The following NEO1 variants were observed in gnomAD, a reference collection of about 807,000 sequenced individuals.
NEO1 encodes the protein neogenin 1.
Under a neutral mutation model 159.7 loss-of-function variants are expected in NEO1, and 63 were observed. That is an observed-to-expected ratio of 0.39 (90% CI 0.32 to 0.49). The LOEUF (loss-of-function observed/expected upper bound fraction) is 0.49, where lower values mean the gene tolerates loss of function less well. Ranked by LOEUF, NEO1 falls within the 20% of genes least tolerant of loss-of-function variation. The pLI is 0.85. For synonymous variants in NEO1, 633 were observed against 662.0 expected, an observed-to-expected ratio of 0.96 and a Z score of 0.67; for missense variants, 1,615 against 1,831.0, an observed-to-expected ratio of 0.88 and a Z score of 2.15.
chr15:73,288,281 T>C, intron 23 of NEO1, 32 bp from the exon 24 acceptor site: 1 of 1,586,240 alleles, frequency 6.3e-7, no homozygotes, highest in African/African-American at 1.3e-5. Context: ...AATGAGTTAC[T>C]TTTTAAAAGC....
intron 9 of NEO1, among the ~76,000 whole-genome samples, chr15:73,247,278 T>G (rs2039843772): frequency 6.6e-6 from 1 of 152,186 alleles, no homozygotes. Flanking sequence ...ACATATTTAG[T>G]TTCACAAACC....
chr15:73,254,888 T>C, intron 13 of NEO1, 59 bp downstream of exon 13: 1 of 1,559,288 alleles, frequency 6.4e-7, no homozygotes, highest in Non-Finnish European at 8.7e-7. Flanking sequence ...TATTGAATTA[T>C]GCTAGTCTAA....
At chr15:73,096,819 C>T (rs2070067573) in intron 1 of NEO1, among the ~76,000 whole-genome samples, 1 of 152,068 alleles carries the variant, frequency 6.6e-6, no homozygotes, top group Non-Finnish European at 1.5e-5. Flanking sequence ...AAAGAGCACT[C>T]ATTTTTCTTT....
intron 1 of NEO1, among the ~76,000 whole-genome samples, chr15:73,085,206 C>T (rs187147962): frequency 7.2e-5 from 11 of 152,180 alleles, no homozygotes; most frequent in Non-Finnish European, 1.2e-4. Flanking sequence ...TTCCCTTTTC[C>T]GGGCATAAAA....
intron 5 of NEO1, among the ~76,000 whole-genome samples, chr15:73,169,787 G>A (rs1410479009): frequency 6.6e-6 from 1 of 151,464 alleles, no homozygotes; most frequent in East Asian, 1.9e-4. Context: ...TACCTTAGTA[G>A]TTAAGAGTAT....
chr15:73,282,357 A>G (rs890024689), intron 22 of NEO1, among the ~76,000 whole-genome samples: 1 of 152,234 alleles, frequency 6.6e-6, no homozygotes, highest in Non-Finnish European at 1.5e-5. Flanking sequence ...CTTAGTACCT[A>G]GAACAATGAC....
At chr15:73,186,779 G>C (rs578098076) in intron 7 of NEO1, among the ~76,000 whole-genome samples, 1 of 152,100 alleles carries the variant, frequency 6.6e-6, no homozygotes, top group South Asian at 2.1e-4. Context: ...GCAGCAATAG[G>C]GTAACACGCA....
intron 1 of NEO1, among the ~76,000 whole-genome samples, chr15:73,067,726 C>T (rs2068294949): frequency 6.6e-6 from 1 of 151,884 alleles, no homozygotes; most frequent in Non-Finnish European, 1.5e-5. Flanking sequence ...ACGCCATTCT[C>T]CTGCCTCAGC....
intron 26 of NEO1, among the ~76,000 whole-genome samples, chr15:73,294,012 G>T (rs2042258349): frequency 1.3e-5 from 2 of 152,204 alleles, no homozygotes; most frequent in Non-Finnish European, 2.9e-5. Flanking sequence ...CCAAGGAGCA[G>T]TGGGGCCACC....
chr15:73,270,999 T>C (rs1464671946), intron 18 of NEO1, among the ~76,000 whole-genome samples: 2 of 152,220 alleles, frequency 1.3e-5, no homozygotes, highest in African/African-American at 4.8e-5. Flanking sequence ...GCCTTTCTGC[T>C]ACCCCCTGGG....
chr15:73,263,600 T>C (rs2040739875), intron 15 of NEO1, among the ~76,000 whole-genome samples: 1 of 152,166 alleles, frequency 6.6e-6, no homozygotes, highest in Non-Finnish European at 1.5e-5. Context: ...ATTATCGTTA[T>C]AGATCTTTTT....
Position 73,052,512 on chromosome 15 carries a change from AGC to A in NEO1, c.-162_-161del, listed in dbSNP as rs1440412858. The A allele has an allele frequency of 5.4e-6, 1 of 185,902 alleles. No homozygotes were observed. The highest frequency in any genetic ancestry group is 1.4e-4 in the East Asian group (1 of 7,156). The allele number at this position is 185,902 out of a possible 1,614,324, so 11.5% of individuals were successfully genotyped here. On this transcript the variant is annotated 5_prime_UTR_variant, in exon 1 of 29. Coordinates refer to ENST00000261908, the MANE Select transcript of NEO1 (RefSeq NM_002499.4). The stretch of plus-strand genomic sequence containing the variant: ...GGAGGCGCCCTGGAGTCTCCCCTCC[AGC>A]GAGAGGGGCTGCGCGGGCCGGGCCG...
chr15:73,215,317 T>C (rs1328065449), intron 7 of NEO1, among the ~76,000 whole-genome samples: 1 of 151,774 alleles, frequency 6.6e-6, no homozygotes, highest in Non-Finnish European at 1.5e-5. Context: ...AGTACTGTGT[T>C]GAAAAGAAGT....
chr15:73,102,365 CA>C (rs900488697), intron 1 of NEO1, among the ~76,000 whole-genome samples: 294 of 146,414 alleles, frequency 2.0e-3, no homozygotes, highest in African/African-American at 6.3e-3. Flanking sequence ...GATTCCGTCT[CA>C]AAAAAAAAAA....
intron 7 of NEO1, among the ~76,000 whole-genome samples, chr15:73,232,803 A>G (rs1313964694): frequency 1.3e-5 from 2 of 152,122 alleles, no homozygotes; most frequent in African/African-American, 4.8e-5. Flanking sequence ...CCTCTAATTG[A>G]CAACACTCCA....
intron 5 of NEO1, among the ~76,000 whole-genome samples, chr15:73,140,919 TG>T (rs1247855032): frequency 6.6e-6 from 1 of 152,200 alleles, no homozygotes; most frequent in East Asian, 1.9e-4. Flanking sequence ...AACTAATCTA[TG>T]GTTTTAGAAG....
intron 7 of NEO1, among the ~76,000 whole-genome samples, chr15:73,234,249 C>T (rs929656393): frequency 2.0e-5 from 3 of 152,180 alleles, no homozygotes; most frequent in African/African-American, 7.2e-5. Flanking sequence ...TTACAATAAT[C>T]GGAGATCCAT....
chr15:73,162,234 T>C, intron 5 of NEO1: 1 of 215,016 alleles, frequency 4.7e-6, no homozygotes, highest in South Asian at 8.9e-5. Flanking sequence ...CCTCCCCAGC[T>C]CCTAAGTGCT....
chr15:73,299,114 G>C (rs1314082388), intron 27 of NEO1, among the ~76,000 whole-genome samples: 1 of 152,106 alleles, frequency 6.6e-6, no homozygotes, highest in Admixed American at 6.5e-5. Context: ...GACCTCAAAG[G>C]CATGCTTGCT....
Sources: gnomAD v4.1 joint callset for allele counts (sites outside exome capture counted in the v4.1 genomes callset) on GRCh38, gnomAD v4.1.1 for gene constraint, MANE v1.5 for transcripts, NCBI Gene and HGNC (gene_info 2026-07-23, HGNC 2026-07-21) for gene names.